LTBP1: variants seen among roughly 807,000 people sequenced by gnomAD.
The protein encoded by LTBP1 is latent-transforming growth factor beta-binding protein 1.
Under a neutral mutation model 207.6 loss-of-function variants are expected in LTBP1, and 129 were observed. The observed-to-expected ratio is 0.62, with a 90% CI of 0.54 to 0.72. The LOEUF (loss-of-function observed/expected upper bound fraction) is 0.72, where lower values mean the gene tolerates loss of function less well. Among genes scored for constraint, LTBP1 ranks in the 30% least tolerant of loss-of-function variants. The pLI is 0.00. For synonymous variants in LTBP1, 963 were observed against 833.7 expected (o/e 1.16, Z -2.67); for missense variants, 2,281 against 2,217.2 (o/e 1.03, Z -0.58).
At chr2:33,148,950 C>T (rs892569141) in intron 5 of LTBP1, among the ~76,000 whole-genome samples, 2 of 152,122 alleles carry the variant, frequency 1.3e-5, no homozygotes, top group South Asian at 2.1e-4. Flanking sequence ...CGCGGTGGCT[C>T]ATGCCTGTAA....
At chr2:33,038,009 C>T (rs908233841) in intron 3 of LTBP1, among the ~76,000 whole-genome samples, 9 of 152,188 alleles carry the variant, frequency 5.9e-5, no homozygotes, top group African/African-American at 1.2e-4. Flanking sequence ...CATGAGCCAC[C>T]GCACCTAGCC....
chr2:32,963,577 A>C (rs752561143), intron 2 of LTBP1, among the ~76,000 whole-genome samples: 5 of 152,214 alleles, frequency 3.3e-5, no homozygotes, highest in Non-Finnish European at 5.9e-5. Context: ...ACCAGTTTTC[A>C]TTCAGTGAAT....
At chr2:33,112,886 A>T (rs1415101056) in intron 4 of LTBP1, among the ~76,000 whole-genome samples, 1 of 152,248 alleles carries the variant, frequency 6.6e-6, no homozygotes, top group Non-Finnish European at 1.5e-5. Flanking sequence ...TCTGAGGAAA[A>T]GCAGAAGCTT....
chr2:33,325,938 C>T (rs2094420842), intron 24 of LTBP1, among the ~76,000 whole-genome samples: 1 of 151,930 alleles, frequency 6.6e-6, no homozygotes, highest in Admixed American at 6.6e-5. Flanking sequence ...TCCTCATACA[C>T]TTTTTCTGTT....
chr2:33,151,894 T>C (rs1326546398), intron 5 of LTBP1, among the ~76,000 whole-genome samples: 2 of 150,550 alleles, frequency 1.3e-5, no homozygotes, highest in Non-Finnish European at 3.0e-5. Flanking sequence ...AGTTTCTTTA[T>C]CCACTCGTTG....
chr2:33,134,708 C>A lies in LTBP1; in HGVS notation c.1034-85C>A. ...TCTTGCTCCTTTCTTTTCTTTTTTT[C>A]TGTTTTTTTAAACCTTCCAAGGCAA... On this transcript the variant is annotated intron_variant, in intron 4 of 33. Transcript: ENST00000404816. This position sits in a 1 kb window ranked among gnomAD's most constrained non-coding sequence, Gnocchi z 4.4. The A allele has an allele frequency of 6.2e-7, 1 of 1,604,102 alleles. No homozygotes were observed.
At chr2:33,060,372 A>G (rs191620227) in intron 3 of LTBP1, among the ~76,000 whole-genome samples, 1 of 152,272 alleles carries the variant, frequency 6.6e-6, no homozygotes, top group Admixed American at 6.5e-5. Context: ...ACGTATCTCT[A>G]GGGGTATTTG....
chr2:33,242,468 T>C (rs1289782057), intron 9 of LTBP1, among the ~76,000 whole-genome samples: 1 of 152,186 alleles, frequency 6.6e-6, no homozygotes, highest in Non-Finnish European at 1.5e-5. Flanking sequence ...TGCTACTGGG[T>C]ATTTCTACTT....
intron 7 of LTBP1, among the ~76,000 whole-genome samples, chr2:33,208,398 G>A (rs952545560): frequency 5.9e-5 from 9 of 152,060 alleles, no homozygotes; most frequent in Non-Finnish European, 1.0e-4. Context: ...ATCTAGAATC[G>A]AGCCATTTAA....
intron 3 of LTBP1, among the ~76,000 whole-genome samples, chr2:33,024,929 G>A (rs945732183): frequency 2.6e-5 from 4 of 152,228 alleles, no homozygotes; most frequent in African/African-American, 9.6e-5. Flanking sequence ...GCTCGACTGG[G>A]GCTGGGGAAT....
chr2:33,327,153 G>C (rs895408447), intron 24 of LTBP1, among the ~76,000 whole-genome samples: 1 of 152,128 alleles, frequency 6.6e-6, no homozygotes, highest in East Asian at 1.9e-4. Flanking sequence ...CTGGGAAGGG[G>C]GTGAGTCCAG....
intron 12 of LTBP1, among the ~76,000 whole-genome samples, chr2:33,259,258 A>G (rs1219398915): frequency 1.3e-5 from 2 of 152,214 alleles, no homozygotes; most frequent in African/African-American, 2.4e-5. Flanking sequence ...TAACATATGG[A>G]AAGTTCCACA....
intron 3 of LTBP1, among the ~76,000 whole-genome samples, chr2:33,072,886 TA>T (rs2077868128): frequency 6.6e-6 from 1 of 152,214 alleles, no homozygotes; most frequent in African/African-American, 2.4e-5. Flanking sequence ...AATTATGTCT[TA>T]TGGTCTACCA....
intron 2 of LTBP1, among the ~76,000 whole-genome samples, chr2:32,972,872 A>G (rs1171250364): frequency 7.2e-5 from 11 of 151,832 alleles, no homozygotes; most frequent in Admixed American, 7.2e-4. Flanking sequence ...AGTCAATTAA[A>G]CCTCCTTTGT....
chr2:33,102,845 T>A (rs2079816666), intron 3 of LTBP1, among the ~76,000 whole-genome samples: 1 of 152,192 alleles, frequency 6.6e-6, no homozygotes, highest in African/African-American at 2.4e-5. Context: ...GCAGTCTGTA[T>A]GCTGTATGCA....
chr2:33,168,399 C>CAAAAAAA (rs10616798), intron 5 of LTBP1, among the ~76,000 whole-genome samples: 18 of 103,592 alleles, frequency 1.7e-4, no homozygotes, highest in Admixed American at 3.1e-4. Flanking sequence ...GTCTTTGTCT[C>CAAAAAAA]AAAAAAAAAA....
chr2:33,148,175 A>G (rs573577854), intron 5 of LTBP1, among the ~76,000 whole-genome samples: 2 of 152,264 alleles, frequency 1.3e-5, no homozygotes, highest in East Asian at 1.9e-4. Flanking sequence ...GGGGAGATAT[A>G]TTTGCGTAGG....
chr2:33,213,928 A>G (rs1173688229), intron 7 of LTBP1, among the ~76,000 whole-genome samples: 1 of 152,232 alleles, frequency 6.6e-6, no homozygotes, highest in African/African-American at 2.4e-5. Flanking sequence ...GGCCTGAATC[A>G]TGTAATGAAA....
intron 4 of LTBP1, among the ~76,000 whole-genome samples, chr2:33,129,079 G>A (rs1247447810): frequency 6.6e-6 from 1 of 152,222 alleles, no homozygotes; most frequent in Non-Finnish European, 1.5e-5. Flanking sequence ...CCTGGAAGGA[G>A]ACACCTGGAA....
Sources: gnomAD v4.1 joint callset for allele counts (sites outside exome capture counted in the v4.1 genomes callset) on GRCh38, gnomAD v4.1.1 for gene constraint, Gnocchi (gnomAD v3.1) non-coding constraint, MANE v1.5 for transcripts, NCBI Gene and HGNC (gene_info 2026-07-23, HGNC 2026-07-21) for gene names.